PRR5L: variants seen among roughly 807,000 people sequenced by gnomAD.
The protein encoded by PRR5L is proline rich 5 like.
A neutral mutation model predicts 36.4 loss-of-function variants in PRR5L; 21 were observed. That is an observed-to-expected ratio of 0.58 (90% CI 0.41 to 0.83). The LOEUF is 0.83. Among genes scored for constraint, PRR5L ranks in the 40% least tolerant of loss-of-function variants. PRR5L has a pLI of 0.00. For missense variants in PRR5L, 381 were observed against 473.3 expected, an observed-to-expected ratio of 0.80 and a Z score of 1.81; for synonymous variants, 188 against 197.0, an observed-to-expected ratio of 0.95 and a Z score of 0.38.
chr11:36,395,170 C>T (rs1346554250), intron 1 of PRR5L, among the ~76,000 whole-genome samples: 3 of 152,094 alleles, frequency 2.0e-5, no homozygotes, highest in African/African-American at 7.2e-5. Context: ...TTTACAGTAA[C>T]CACAAAAGGG....
At chr11:36,461,393 C>T (rs972036424) in intron 8 of PRR5L, among the ~76,000 whole-genome samples, 38 of 152,042 alleles carry the variant, frequency 2.5e-4, no homozygotes, top group Non-Finnish European at 4.4e-4. Flanking sequence ...GAGGCTGAGG[C>T]GGGTGGATCA....
At chr11:36,440,048 A>T (rs1858687967) in intron 6 of PRR5L, among the ~76,000 whole-genome samples, 1 of 152,166 alleles carries the variant, frequency 6.6e-6, no homozygotes, top group Admixed American at 6.5e-5. Flanking sequence ...GCTCTGGTTA[A>T]TGGCCCCAAA....
At chr11:36,447,481 G>A (rs77128362) in intron 7 of PRR5L, among the ~76,000 whole-genome samples, 2 of 152,294 alleles carry the variant, frequency 1.3e-5, no homozygotes, top group Admixed American at 6.5e-5. Context: ...AATTCTCGAC[G>A]AGTAGGGTTT....
At chr11:36,436,179 C>T (rs760972601) in intron 5 of PRR5L, among the ~76,000 whole-genome samples, 19 of 152,198 alleles carry the variant, frequency 1.2e-4, no homozygotes, top group Non-Finnish European at 2.4e-4. Flanking sequence ...AATTAATAGA[C>T]GGGAGGCGCC....
intron 1 of PRR5L, among the ~76,000 whole-genome samples, chr11:36,365,288 C>T (rs905319693): frequency 4.6e-5 from 7 of 151,912 alleles, no homozygotes; most frequent in African/African-American, 1.7e-4. Flanking sequence ...AGACTATCAG[C>T]AGACCAGTCA....
rs1245821366 is a variant in PRR5L, at chr11:36,350,988, TTATATATTTA to T, written c.-125-49994_-125-49985del. Among the ~76,000 whole-genome samples the T allele has an allele frequency of 9.2e-5, 7 of 76,284 alleles. 3 individuals are homozygous for T. The highest frequency in any genetic ancestry group is 4.3e-4 in the African/African-American group (7 of 16,458). The allele number at this position is 76,284 out of a possible 152,430, so 50.0% of individuals were successfully genotyped here. A position where few individuals can be genotyped will look rare whatever the true frequency, so the allele number is the denominator to read the frequency against. ...TATATATTTATATATATTTATATATTTATATATTTATATATATTTATATAGTTATATATTT... is the reference window on the plus strand; with the variant it reads ...TATATATTTATATATATTTATATATTTATATATTTATATAGTTATATATTT... On this transcript the variant is annotated intron_variant, in intron 1 of 8. Transcript: ENST00000530639.
intron 8 of PRR5L, among the ~76,000 whole-genome samples, chr11:36,457,646 G>A (rs559971992): frequency 8.6e-5 from 13 of 151,508 alleles, no homozygotes; most frequent in South Asian, 2.1e-4. Flanking sequence ...ACAAAACATC[G>A]AAATCTCTAG....
intron 7 of PRR5L, among the ~76,000 whole-genome samples, chr11:36,448,761 A>G (rs1278542588): frequency 6.6e-6 from 1 of 152,170 alleles, no homozygotes; most frequent in Admixed American, 6.5e-5. Context: ...GAATTTCCAG[A>G]AAGTCAGGCA....
rs532779202 is a variant in PRR5L at position 36,401,193 on chromosome 11, G to A, written c.72G>A (p.Pro24=). The change falls in exon 2 of 9, where the codon CCG becomes CCA. Residue 24 remains proline (P), a synonymous_variant. Transcript: ENST00000530639. ...HKMGSFRRPR[P]RFMSSPVLSD... is the part of the protein sequence containing the mutation. ...TGGGCTCCTTCCGCAGGCCTAGACC[G>A]CGCTTCATGAGCTCCCCCGTGCTCA... is the stretch of plus-strand genomic sequence containing the variant. 41 of 1,614,046 alleles carry A rather than the reference G, an allele frequency of 2.5e-5. No individual in the cohort carries two copies. Among genetic ancestry groups the A allele is most frequent in the South Asian group, 7.7e-5 (7 of 91,080 alleles).
chr11:36,434,637 TG>T (rs1235446593), intron 5 of PRR5L, among the ~76,000 whole-genome samples: 3 of 152,200 alleles, frequency 2.0e-5, no homozygotes, highest in Non-Finnish European at 4.4e-5. Flanking sequence ...CCTAAACTGC[TG>T]CGTTACATTA....
At position 36,370,534 on chromosome 11, in the gene PRR5L, G is replaced by T. The variant is rs552193083; in HGVS notation, c.-125-30463G>T. ...ACCAATAAGTGGCCAGCCAGTATTTGTTGACCAAATGACTGACTTAGGATT... is the reference window on the plus strand; with the variant it reads ...ACCAATAAGTGGCCAGCCAGTATTTTTTGACCAAATGACTGACTTAGGATT... On this transcript the variant is annotated intron_variant, in intron 1 of 8. Transcript: ENST00000530639. 1.5e-3 allele frequency among the ~76,000 whole-genome samples: 226 copies of T among 152,312 alleles called. 1 individual carries two copies. The highest frequency in any genetic ancestry group is 2.8e-3 in the Non-Finnish European group (192 of 68,026).
At chr11:36,390,229 T>C (rs989168136) in intron 1 of PRR5L, among the ~76,000 whole-genome samples, 1 of 152,016 alleles carries the variant, frequency 6.6e-6, no homozygotes, top group African/African-American at 2.4e-5. Flanking sequence ...AGGTGGGCTA[T>C]AAAGGGGGTG....
intron 1 of PRR5L, among the ~76,000 whole-genome samples, chr11:36,389,581 ACCATGGTGTTTAC>A (rs1163763870): frequency 1.3e-5 from 2 of 151,058 alleles, no homozygotes; most frequent in Non-Finnish European, 2.9e-5. Flanking sequence ...AGATTTCAGT[ACCATGGTGTTTAC>A]CCATGGTGAA....
chr11:36,369,587 A>AATTT (rs1334263884), intron 1 of PRR5L, among the ~76,000 whole-genome samples: 3 of 151,650 alleles, frequency 2.0e-5, no homozygotes, highest in South Asian at 2.1e-4. Context: ...TAACTCTGGG[A>AATTT]ATTTATTTAT....
intron 1 of PRR5L, among the ~76,000 whole-genome samples, chr11:36,353,642 C>G (rs761497901): frequency 1.3e-5 from 2 of 152,150 alleles, no homozygotes; most frequent in Non-Finnish European, 2.9e-5. Flanking sequence ...TGTTCCACCT[C>G]AGAACATCAG....
intron 1 of PRR5L, among the ~76,000 whole-genome samples, chr11:36,299,510 T>C (rs1287260287): frequency 2.6e-5 from 4 of 152,214 alleles, no homozygotes; most frequent in Non-Finnish European, 5.9e-5. Flanking sequence ...TTGTCAGCCC[T>C]GCATGATGGC....
intron 8 of PRR5L, among the ~76,000 whole-genome samples, chr11:36,452,173 G>A (rs543326086): frequency 1.5e-4 from 23 of 152,342 alleles, no homozygotes; most frequent in Non-Finnish European, 2.5e-4. Context: ...GGTGCCTGGC[G>A]TATAGTAGGC....
chr11:36,406,142 G>A (rs1211087090), intron 3 of PRR5L, among the ~76,000 whole-genome samples: 1 of 151,282 alleles, frequency 6.6e-6, no homozygotes, highest in African/African-American at 2.4e-5. Flanking sequence ...CGAGGTCTCT[G>A]TGAGCCCATC....
In PRR5L at chr11:36,442,767, G is replaced by A. The variant is rs536282034; in HGVS notation, c.445-3533G>A. ...CATAAAAAGGGTGATTTTTATTCCAGTTCCCAATAACTGCCTCATTTCCAC... is the reference window on the plus strand; with the variant it reads ...CATAAAAAGGGTGATTTTTATTCCAATTCCCAATAACTGCCTCATTTCCAC... On this transcript the variant is annotated intron_variant, in intron 6 of 8. Transcript: ENST00000530639. Among the ~76,000 whole-genome samples the A allele has an allele frequency of 1.7e-4, 26 of 152,286 alleles. No homozygotes were observed. In the South Asian group the frequency reaches 5.2e-3, roughly 30 times the overall value.
Sources: allele counts gnomAD v4.1 joint callset (sites outside exome capture counted in the v4.1 genomes callset), GRCh38; gene constraint gnomAD v4.1.1; transcripts MANE v1.5; gene names NCBI Gene and HGNC (gene_info 2026-07-23, HGNC 2026-07-21).